The following HIF1AN variants were observed in gnomAD, a reference collection of about 807,000 sequenced individuals.
HIF1AN encodes the protein hypoxia inducible factor 1 subunit alpha inhibitor, also known as hypoxia-inducible factor 1-alpha inhibitor.
Under a neutral mutation model 47.7 loss-of-function variants are expected in HIF1AN, and 21 were observed. The ratio of observed to expected loss-of-function variants is 0.44; its 90% confidence interval spans 0.31 to 0.63. The LOEUF (loss-of-function observed/expected upper bound fraction) is 0.63. HIF1AN is among the 30% of genes least tolerant of loss of function. The probability of loss-of-function intolerance (pLI) is 0.07; values close to 1 mark genes in which losing one functional copy is unlikely to be tolerated. For synonymous variants in HIF1AN, 152 were observed against 155.9 expected, an observed-to-expected ratio of 0.98 and a Z score of 0.18; for missense variants, 320 against 432.7, an observed-to-expected ratio of 0.74 and a Z score of 2.31.
chr10:100,536,500 C>T lies in HIF1AN; in HGVS notation c.267C>T (p.Asp89=), dbSNP rs1161010509. The T allele has an allele frequency of 6.2e-7, 1 of 1,614,018 alleles. No homozygotes were observed. The highest frequency in any genetic ancestry group is 1.7e-5 in the Admixed American group (1 of 59,992). The change falls in exon 2 of 8, where the codon GAC becomes GAT. Residue 89 remains aspartate (D), a synonymous_variant. Transcript: ENST00000299163. The part of the protein sequence containing the change: ...EYLQENIGNG[D]FSVYSASTHK... ...TGCAAGAGAATATTGGCAATGGAGACTTCTCTGTGTACAGTGCCAGCACCC... is the reference window on the plus strand; with the variant it reads ...TGCAAGAGAATATTGGCAATGGAGATTTCTCTGTGTACAGTGCCAGCACCC...
rs890305939 is a variant in HIF1AN, at chr10:100,551,374, A to C, written c.*3237A>C. 1 of 152,240 alleles carries C rather than the reference A, an allele frequency of 6.6e-6. No homozygotes were observed. The highest frequency in any genetic ancestry group is 2.4e-5 in the African/African-American group (1 of 41,478). The allele number at this position is 152,240 out of a possible 1,614,324, so 9.4% of individuals were successfully genotyped here. On this transcript the variant is annotated 3_prime_UTR_variant, in exon 8 of 8. Transcript: ENST00000299163. Reference sequence around the variant, plus strand: ...CATTAATCTGAATCTGTTAGGAGACAGAGAGGGGAAGGATCCTTATCAGTG... The same window carrying C: ...CATTAATCTGAATCTGTTAGGAGACCGAGAGGGGAAGGATCCTTATCAGTG...
At chr10:100,544,902 AT>A (rs1408830655) in intron 3 of HIF1AN, 48 bp from the exon 4 acceptor site, 1 of 1,586,720 alleles carries the variant, frequency 6.3e-7, no homozygotes, top group South Asian at 1.1e-5. Context: ...ATTCCAGCTT[AT>A]GCAATAGAAC....
In HIF1AN at chr10:100,559,194, T is replaced by G. The variant is rs1310622328; in HGVS notation, c.*11057T>G. On this transcript the variant is annotated 3_prime_UTR_variant, in exon 8 of 8. Transcript: ENST00000299163. Reference sequence around the variant, plus strand: ...TTATAAACTTAATTTATTGGAAATATAAGTACTTGATCAGGTTTTGTCTTG... The same window carrying G: ...TTATAAACTTAATTTATTGGAAATAGAAGTACTTGATCAGGTTTTGTCTTG... 6.6e-6 allele frequency: 1 copy of G among 152,186 alleles called. No homozygotes were observed. The highest frequency in any genetic ancestry group is 1.9e-4 in the East Asian group (1 of 5,198). 9.4% of individuals were successfully genotyped at this position (152,186 alleles called of 1,614,324 possible). A position where few individuals can be genotyped will look rare whatever the true frequency, so the allele number is the denominator to read the frequency against.
rs1238912490 is a variant in HIF1AN at position 100,553,032 on chromosome 10, G to C, written c.*4895G>C. On this transcript the variant is annotated 3_prime_UTR_variant, in exon 8 of 8. Coordinates refer to ENST00000299163, the MANE Select transcript of HIF1AN (RefSeq NM_017902.3). ...AGAAACGGGAAGTCTTGAGGCCTGG[G>C]GGCGTGTGGTCAGTGAGGCCTCCAG... 1 of 152,192 alleles carries C rather than the reference G, an allele frequency of 6.6e-6. No individual in the cohort carries two copies. Among genetic ancestry groups the C allele is most frequent in the Non-Finnish European group, 1.5e-5 (1 of 68,156 alleles). 9.4% of individuals were successfully genotyped at this position (152,192 alleles called of 1,614,324 possible).
chr10:100,543,129 C>T (rs1161641558), intron 3 of HIF1AN, among the ~76,000 whole-genome samples: 1 of 152,156 alleles, frequency 6.6e-6, no homozygotes, highest in African/African-American at 2.4e-5. Context: ...GCTGCTGGTA[C>T]TAATAAAGAT....
chr10:100,550,304 A>G lies in HIF1AN; in HGVS notation c.*2167A>G, dbSNP rs1843144783. 6.6e-6 allele frequency: 1 copy of G among 152,224 alleles called. No individual in the cohort carries two copies. Among genetic ancestry groups the G allele is most frequent in the African/African-American group, 2.4e-5 (1 of 41,452 alleles). 9.4% of individuals were successfully genotyped at this position (152,224 alleles called of 1,614,324 possible). ...ATTGGCCTTGATCCTTGGGTAACAC[A>G]AGAGTGATTCCTGATTTTTAGACAC... is the stretch of plus-strand genomic sequence containing the variant. On this transcript the variant is annotated 3_prime_UTR_variant, in exon 8 of 8. Coordinates refer to ENST00000299163, the MANE Select transcript of HIF1AN (RefSeq NM_017902.3).
intron 2 of HIF1AN, among the ~76,000 whole-genome samples, chr10:100,537,143 C>T (rs1160210968): frequency 6.6e-6 from 1 of 152,012 alleles, no homozygotes; most frequent in African/African-American, 2.4e-5. Context: ...GCCTGGGAAA[C>T]GTGGTGAGAG....
intron 6 of HIF1AN, 36 bp downstream of exon 6, chr10:100,546,617 G>A: frequency 6.6e-7 from 1 of 1,515,086 alleles, no homozygotes; most frequent in Non-Finnish European, 9.2e-7. Flanking sequence ...TTTTCCAGAT[G>A]GAACTGGCTC....
chr10:100,536,287 G>A, intron 1 of HIF1AN, 124 bp from the exon 2 acceptor site: 1 of 1,352,342 alleles, frequency 7.4e-7, no homozygotes, highest in Non-Finnish European at 1.0e-6. Context: ...GGAACTTAGG[G>A]GTTCGTGCTG....
At position 100,549,741 on chromosome 10, in the gene HIF1AN, T is replaced by A. The variant is rs954180484; in HGVS notation, c.*1604T>A. 4.7e-5 allele frequency: 7 copies of A among 150,090 alleles called. No homozygotes were observed. The highest frequency in any genetic ancestry group is 1.8e-4 in the African/African-American group (7 of 39,932). 9.3% of individuals were successfully genotyped at this position (150,090 alleles called of 1,614,324 possible). ...AAGGGAAGAGGAGTTGGAAGGTCTCTGGTTTTCTTTTCTTTTTTTTTTTTT... is the reference window on the plus strand; with the variant it reads ...AAGGGAAGAGGAGTTGGAAGGTCTCAGGTTTTCTTTTCTTTTTTTTTTTTT... On this transcript the variant is annotated 3_prime_UTR_variant, in exon 8 of 8. Transcript: ENST00000299163.
Position 100,551,536 on chromosome 10 carries a change from AT to A in HIF1AN, c.*3400del, listed in dbSNP as rs1386210206. The A allele has an allele frequency of 1.3e-5, 2 of 152,200 alleles. No individual in the cohort carries two copies. The highest frequency in any genetic ancestry group is 4.8e-5 in the African/African-American group (2 of 41,460). The allele number at this position is 152,200 out of a possible 1,614,324, so 9.4% of individuals were successfully genotyped here. A position where few individuals can be genotyped will look rare whatever the true frequency, so the allele number is the denominator to read the frequency against. ...TTAGGGACCCAGTTGCCAGCCTGAG[AT>A]GGATATAGGAACAGACATCTTTGGG... On this transcript the variant is annotated 3_prime_UTR_variant, in exon 8 of 8. Coordinates refer to ENST00000299163, the MANE Select transcript of HIF1AN (RefSeq NM_017902.3).
intron 3 of HIF1AN, among the ~76,000 whole-genome samples, chr10:100,541,602 G>A (rs1207103069): frequency 6.6e-6 from 1 of 152,086 alleles, no homozygotes; most frequent in African/African-American, 2.4e-5. Context: ...CCGTGTTCAA[G>A]TGATTCTCCT....
chr10:100,540,665 G>C lies in HIF1AN; in HGVS notation c.460G>C (p.Val154Leu). The C allele has an allele frequency of 1.2e-6, 2 of 1,613,878 alleles. No individual in the cohort carries two copies. Among genetic ancestry groups the C allele is most frequent in the Non-Finnish European group, 1.7e-6 (2 of 1,179,936 alleles). The change falls in exon 3 of 8, where the codon GTG becomes CTG. Residue 154 changes from valine (V) to leucine (L), a missense_variant. Physicochemically the swap from Val to Leu is conservative, Grantham distance 32. This residue lies in a region of HIF1AN where 161 missense variants were observed against 272.8 expected (regional missense o/e 0.59). Transcript: ENST00000299163. ...TCTGCAGCAAACGCTCAATGACACT[G>C]TGGGCAGGAAGATTGTCATGGACTT... ...LYLQQTLNDT[V>L]GRKIVMDFLG...
intron 3 of HIF1AN, among the ~76,000 whole-genome samples, chr10:100,541,275 C>T (rs990080062): frequency 7.9e-5 from 12 of 152,116 alleles, no homozygotes; most frequent in African/African-American, 2.9e-4. Flanking sequence ...TTTGTAATCC[C>T]AGCACTTTGG....
intron 3 of HIF1AN, among the ~76,000 whole-genome samples, chr10:100,541,203 G>GC (rs1182110372): frequency 6.6e-6 from 1 of 151,820 alleles, no homozygotes; most frequent in Admixed American, 6.6e-5. Context: ...TGGCGACAGA[G>GC]CAAGACTCTG....
rs375453574 is a variant in HIF1AN at position 100,553,926 on chromosome 10, T to C, written c.*5789T>C. On this transcript the variant is annotated 3_prime_UTR_variant, in exon 8 of 8. Coordinates refer to ENST00000299163, the MANE Select transcript of HIF1AN (RefSeq NM_017902.3). The stretch of plus-strand genomic sequence containing the variant: ...CTGTGGTGGTGGTGGTTATATTTAT[T>C]ATGTGATTTATTCAGAAACTTGGTT... 2 of 152,362 alleles carry C rather than the reference T, an allele frequency of 1.3e-5. No homozygotes were observed. Among genetic ancestry groups the C allele is most frequent in the African/African-American group, 4.8e-5 (2 of 41,582 alleles). 9.4% of individuals were successfully genotyped at this position (152,362 alleles called of 1,614,324 possible).
chr10:100,538,309 G>A (rs1852253485), intron 2 of HIF1AN, among the ~76,000 whole-genome samples: 1 of 152,140 alleles, frequency 6.6e-6, no homozygotes, highest in Admixed American at 6.5e-5. Flanking sequence ...GACAGGTTGT[G>A]GCGACTATGG....
At chr10:100,542,392 C>T (rs775992083) in intron 3 of HIF1AN, among the ~76,000 whole-genome samples, 21 of 152,214 alleles carry the variant, frequency 1.4e-4, no homozygotes, top group African/African-American at 4.1e-4. Flanking sequence ...CTCGCTCTGT[C>T]GCCCAGGCTG....
chr10:100,540,363 C>T (rs933928026), intron 2 of HIF1AN, among the ~76,000 whole-genome samples: 1 of 151,976 alleles, frequency 6.6e-6, no homozygotes, highest in African/African-American at 2.4e-5. Context: ...GAGTTTAAGA[C>T]CAACCTGGAC....
Sources: allele counts gnomAD v4.1 joint callset (sites outside exome capture counted in the v4.1 genomes callset), GRCh38; gene constraint gnomAD v4.1.1; regional missense constraint gnomAD v4.1.1; transcripts MANE v1.5; gene names NCBI Gene and HGNC (gene_info 2026-07-23, HGNC 2026-07-21).